Variants in AGPS observed in about 807,000 individuals in gnomAD.
The protein encoded by AGPS is alkylglycerone phosphate synthase.
A neutral mutation model predicts 90.7 loss-of-function variants in AGPS; 26 were observed. That is an observed-to-expected ratio of 0.29 (90% CI 0.21 to 0.40). The LOEUF is 0.40. Among genes scored for constraint, AGPS ranks in the 10% least tolerant of loss-of-function variants. The pLI is 1.00. For missense variants in AGPS, 540 were observed against 816.1 expected, an observed-to-expected ratio of 0.66 and a Z score of 4.12; for synonymous variants, 294 against 285.3, an observed-to-expected ratio of 1.03 and a Z score of -0.31.
chr2:177,412,885 T>C (rs534516819), intron 1 of AGPS, among the ~76,000 whole-genome samples: 3 of 152,266 alleles, frequency 2.0e-5, no homozygotes, highest in Admixed American at 2.0e-4. Flanking sequence ...GGCACTTAGC[T>C]GTGCAGGAAC....
At chr2:177,467,272 C>T (rs1385267097) in intron 9 of AGPS, among the ~76,000 whole-genome samples, 1 of 152,168 alleles carries the variant, frequency 6.6e-6, no homozygotes, top group Non-Finnish European at 1.5e-5. Context: ...AACAGGTTTG[C>T]ACCATTGTTT....
At position 177,441,685 on chromosome 2, in the gene AGPS, G is replaced by T. The variant is rs531168847; in HGVS notation, c.709+649G>T. ...GTGACTTTCACATGTTTTCTTTCAT[G>T]CAGAACTTATGGAAGTATCAGTCAA... On this transcript the variant is annotated intron_variant, in intron 6 of 19. Coordinates refer to ENST00000264167, the MANE Select transcript of AGPS (RefSeq NM_003659.4). Among the ~76,000 whole-genome samples the T allele has an allele frequency of 5.5e-4, 84 of 152,214 alleles. 1 individual carries two copies. The South Asian group carries it at 0.017, about 31-fold the overall frequency.
intron 16 of AGPS, among the ~76,000 whole-genome samples, chr2:177,512,579 C>A (rs1156849616): frequency 6.6e-6 from 1 of 152,156 alleles, no homozygotes; most frequent in African/African-American, 2.4e-5. Flanking sequence ...ACAGTCAAGT[C>A]TGCGTCTTGA....
At chr2:177,446,756 T>G (rs1312560971) in intron 8 of AGPS, among the ~76,000 whole-genome samples, 1 of 152,104 alleles carries the variant, frequency 6.6e-6, no homozygotes. Flanking sequence ...GTAGTAGAAA[T>G]GGAACAAAAT....
intron 1 of AGPS, among the ~76,000 whole-genome samples, chr2:177,415,097 T>G (rs1247077268): frequency 2.0e-5 from 3 of 152,180 alleles, no homozygotes. Flanking sequence ...TGTTTACCAC[T>G]GTTTTAAACA....
intron 8 of AGPS, among the ~76,000 whole-genome samples, chr2:177,452,731 C>T (rs181137163): frequency 7.2e-5 from 11 of 151,840 alleles, no homozygotes; most frequent in African/African-American, 2.7e-4. Context: ...CTGTATTTCC[C>T]ATCTGTTTTT....
intron 10 of AGPS, among the ~76,000 whole-genome samples, chr2:177,477,995 T>C (rs1687831609): frequency 6.6e-6 from 1 of 152,204 alleles, no homozygotes; most frequent in Non-Finnish European, 1.5e-5. Flanking sequence ...TAATTTGAAT[T>C]ACTGTTTGGG....
intron 8 of AGPS, among the ~76,000 whole-genome samples, chr2:177,449,368 TTTTTAA>T (rs1182034626): frequency 6.6e-6 from 1 of 152,250 alleles, no homozygotes; most frequent in African/African-American, 2.4e-5. Flanking sequence ...ATTGCTAGTC[TTTTTAA>T]TTTTAGTCTA....
At chr2:177,399,791 C>T (rs1333008581) in intron 1 of AGPS, among the ~76,000 whole-genome samples, 1 of 152,214 alleles carries the variant, frequency 6.6e-6, no homozygotes, top group African/African-American at 2.4e-5. Context: ...ATAACCACTA[C>T]CTTGACTTCT....
At chr2:177,484,174 GATTACA>G (rs1186443202) in intron 11 of AGPS, among the ~76,000 whole-genome samples, 1 of 151,858 alleles carries the variant, frequency 6.6e-6, no homozygotes, top group Non-Finnish European at 1.5e-5. Flanking sequence ...AATGATTTTG[GATTACA>G]GTCATTGGGT....
Position 177,496,538 on chromosome 2 carries a change from A to G in AGPS, c.1286-1151A>G, listed in dbSNP as rs923741505. Among the ~76,000 whole-genome samples the G allele has an allele frequency of 6.0e-4, 91 of 152,284 alleles. No individual in the cohort carries two copies. The Middle Eastern group carries it at 0.01, about 17-fold the overall frequency. On this transcript the variant is annotated intron_variant, in intron 12 of 19. Coordinates refer to ENST00000264167, the MANE Select transcript of AGPS (RefSeq NM_003659.4). The stretch of plus-strand genomic sequence containing the variant: ...TCTTACTTGTGATCCAGGAGCTCAA[A>G]AAGATTGCTAGGTTGATCTCTATCT...
chr2:177,434,997 G>GTATATA (rs1553509324), intron 3 of AGPS, among the ~76,000 whole-genome samples: 10,541 of 127,814 alleles, frequency 0.082, 499 homozygotes, highest in Non-Finnish European at 0.1. Context: ...TAAACTGTAG[G>GTATATA]TATATATATA....
chr2:177,413,823 A>G (rs1685708186), intron 1 of AGPS, among the ~76,000 whole-genome samples: 1 of 152,230 alleles, frequency 6.6e-6, no homozygotes, highest in African/African-American at 2.4e-5. Flanking sequence ...CCTTACCACA[A>G]AATATTTGTA....
intron 12 of AGPS, among the ~76,000 whole-genome samples, chr2:177,496,919 A>G (rs1445365216): frequency 6.6e-6 from 1 of 152,110 alleles, no homozygotes; most frequent in Non-Finnish European, 1.5e-5. Context: ...GACTTACTTA[A>G]GACTGAAATT....
chr2:177,475,829 A>T (rs1274457930), intron 10 of AGPS, among the ~76,000 whole-genome samples: 1 of 152,080 alleles, frequency 6.6e-6, no homozygotes, highest in Non-Finnish European at 1.5e-5. Flanking sequence ...TGCTGGCCAT[A>T]TAAGTCATAA....
intron 1 of AGPS, among the ~76,000 whole-genome samples, chr2:177,399,667 T>C (rs1685278904): frequency 6.6e-6 from 1 of 152,156 alleles, no homozygotes; most frequent in East Asian, 1.9e-4. Context: ...TACAGCATAA[T>C]TAACTTTTGC....
At chr2:177,445,221 T>G (rs1405663552) in intron 7 of AGPS, among the ~76,000 whole-genome samples, 3 of 152,230 alleles carry the variant, frequency 2.0e-5, no homozygotes, top group Admixed American at 2.0e-4. Context: ...ATTATTACTA[T>G]TTTACATTTT....
At position 177,457,024 on chromosome 2, in the gene AGPS, C is replaced by G. The variant is rs146778306; in HGVS notation, c.871-4869C>G. The stretch of plus-strand genomic sequence containing the variant: ...ACCACAGTGCAATCAAATTAGAACT[C>G]AGGAATAAGAAACTCACTCAAAACC... On this transcript the variant is annotated intron_variant, in intron 8 of 19. Coordinates refer to ENST00000264167, the MANE Select transcript of AGPS (RefSeq NM_003659.4). Among the ~76,000 whole-genome samples the G allele has an allele frequency of 4.5e-3, 681 of 152,260 alleles. 6 individuals carry two copies. The highest frequency in any genetic ancestry group is 0.016 in the African/African-American group (651 of 41,528).
intron 14 of AGPS, among the ~76,000 whole-genome samples, chr2:177,501,288 A>T (rs1172037087): frequency 6.6e-6 from 1 of 152,120 alleles, no homozygotes; most frequent in Non-Finnish European, 1.5e-5. Flanking sequence ...ACACCCACAC[A>T]CAGAGGAATT....
Sources: gnomAD v4.1 joint callset for allele counts (sites outside exome capture counted in the v4.1 genomes callset) on GRCh38, gnomAD v4.1.1 for gene constraint, MANE v1.5 for transcripts, NCBI Gene and HGNC (gene_info 2026-07-23, HGNC 2026-07-21) for gene names.